Variants in CD8B2 observed in about 807,000 individuals in gnomAD.
CD8B2 encodes CD8B family member 2, also known as T-cell surface glycoprotein CD8 beta-2 chain.
Under a neutral mutation model 23.7 loss-of-function variants are expected in CD8B2, and 11 were observed. The ratio of observed to expected loss-of-function variants is 0.46; its 90% CI spans 0.29 to 0.77. The LOEUF (loss-of-function observed/expected upper bound fraction) is 0.77. Ranked by LOEUF, CD8B2 falls within the 30% of genes least tolerant of loss-of-function variation. The pLI is 0.09. For missense variants in CD8B2, 197 were observed against 270.5 expected (o/e 0.73, Z 1.91); for synonymous variants, 90 against 109.3 (o/e 0.82, Z 1.10).
intron 5 of CD8B2, among the ~76,000 whole-genome samples, chr2:106,519,659 TC>T (rs1307400791): frequency 6.6e-6 from 1 of 152,150 alleles, no homozygotes. Flanking sequence ...CAGAAGTGCT[TC>T]CCCGTCCACC....
intron 3 of CD8B2, among the ~76,000 whole-genome samples, chr2:106,501,180 G>T (rs113779784): frequency 6.6e-6 from 1 of 152,030 alleles, no homozygotes; most frequent in Admixed American, 6.6e-5. Flanking sequence ...GTTGTTTTCT[G>T]CAGAGTTATT....
chr2:106,505,355 G>C (rs1679484124), intron 5 of CD8B2, among the ~76,000 whole-genome samples: 1 of 152,160 alleles, frequency 6.6e-6, no homozygotes, highest in African/African-American at 2.4e-5. Flanking sequence ...TGGAGACAGG[G>C]CTGGGTTTGA....
At chr2:106,515,494 G>A (rs571199556), downstream of CD8B2, among the ~76,000 whole-genome samples, 28 of 152,304 alleles carry the variant, frequency 1.8e-4, no homozygotes, top group African/African-American at 6.3e-4. Flanking sequence ...AGAGGAAGAG[G>A]AAGAGACCAG....
rs1182010558 is a variant in CD8B2 at position 106,491,210 on chromosome 2, G to A, written c.380G>A (p.Gly127Glu). 6.2e-7 allele frequency: 1 copy of A among 1,600,134 alleles called. No individual in the cohort carries two copies. The highest frequency in any genetic ancestry group is 2.2e-5 in the East Asian group (1 of 44,812). Residue 127 changes from glycine (G) to glutamate (E), a missense_variant, in exon 2 of 6, where the codon GGG becomes GAG. Physicochemically the swap from Gly to Glu is moderately conservative, Grantham distance 98 (BLOSUM62 -2). Transcript: ENST00000643224. ...MIVGSPELTF[G>E]KGTQLSVVDF... ...GTCGGGAGCCCCGAGCTGACCTTCG[G>A]GAAGGGAACTCAGCTGAGTGTGGGT...
At chr2:106,535,236 G>C (rs2104575392) in intron 5 of CD8B2, 1 of 152,238 alleles carries the variant, frequency 6.6e-6, no homozygotes, top group Middle Eastern at 3.4e-3. Flanking sequence ...TTTCTCTAGG[G>C]ACAGTCGTTT....
intron 5 of CD8B2, among the ~76,000 whole-genome samples, chr2:106,528,163 T>A (rs970760530): frequency 6.6e-6 from 1 of 152,234 alleles, no homozygotes; most frequent in South Asian, 2.1e-4. Context: ...ATTAGCCTTG[T>A]GTATATTGAC....
At chr2:106,490,213 A>C (rs1164900575) in intron 1 of CD8B2, among the ~76,000 whole-genome samples, 1 of 152,056 alleles carries the variant, frequency 6.6e-6, no homozygotes, top group African/African-American at 2.4e-5. Context: ...AGGGCTGTAC[A>C]TCCAGTGGCA....
intron 1 of CD8B2, 75 bp from the exon 2 acceptor site, chr2:106,490,799 G>A: frequency 6.5e-7 from 1 of 1,532,752 alleles, no homozygotes; most frequent in Non-Finnish European, 8.8e-7. Context: ...TTTGACACTT[G>A]ACTCAGTGTG....
intron 5 of CD8B2, among the ~76,000 whole-genome samples, chr2:106,526,596 T>A (rs1490318689): frequency 6.6e-6 from 1 of 152,210 alleles, no homozygotes; most frequent in East Asian, 1.9e-4. Context: ...CTGTCAGTAT[T>A]TCATTCTTTT....
intron 5 of CD8B2, among the ~76,000 whole-genome samples, chr2:106,523,682 T>C (rs971726895): frequency 6.6e-6 from 1 of 152,134 alleles, no homozygotes; most frequent in East Asian, 1.9e-4. Context: ...CCTGAGACAA[T>C]GAATATTGCT....
chr2:106,533,875 G>C (rs1396661379), intron 5 of CD8B2, among the ~76,000 whole-genome samples: 1 of 152,182 alleles, frequency 6.6e-6, no homozygotes, highest in Non-Finnish European at 1.5e-5. Context: ...TGGGAAGTTT[G>C]CCACAGGTGG....
chr2:106,499,447 G>A (rs1223306270), intron 3 of CD8B2, among the ~76,000 whole-genome samples: 3 of 150,414 alleles, frequency 2.0e-5, no homozygotes, highest in South Asian at 2.1e-4. Flanking sequence ...CAGGAGAATC[G>A]CTTGAACCCA....
At position 106,508,092 on chromosome 2, in the gene CD8B2, G is replaced by C. The variant is rs1406188453; in HGVS notation, c.*1152G>C. On this transcript the variant is annotated 3_prime_UTR_variant, in exon 6 of 6. Transcript: ENST00000643224. ...AGCAGGAGTGGAGAGTGAAGAGCAG[G>C]ACCTCGTGCCTGGGTTTGAAAAAGT... The C allele has an allele frequency of 1.3e-5, 2 of 148,792 alleles. No homozygotes were observed. Among genetic ancestry groups the C allele is most frequent in the Non-Finnish European group, 3.0e-5 (2 of 67,336 alleles). 9.2% of individuals were successfully genotyped at this position (148,792 alleles called of 1,614,324 possible).
chr2:106,494,062 G>A (rs557769668), intron 2 of CD8B2, among the ~76,000 whole-genome samples: 1 of 152,134 alleles, frequency 6.6e-6, no homozygotes, highest in African/African-American at 2.4e-5. Context: ...GAGGTGAGGG[G>A]TTAAAATGTC....
intron 3 of CD8B2, among the ~76,000 whole-genome samples, chr2:106,496,816 T>A (rs953577542): frequency 2.0e-5 from 3 of 151,958 alleles, no homozygotes; most frequent in Non-Finnish European, 4.4e-5. Flanking sequence ...TTTAGGGGAA[T>A]TTAAATGTTC....
intron 5 of CD8B2, among the ~76,000 whole-genome samples, chr2:106,536,030 C>CTTTTTTTTT (rs869103310): frequency 1.6e-5 from 2 of 123,896 alleles, no homozygotes; most frequent in African/African-American, 5.9e-5. Flanking sequence ...GCCACACACA[C>CTTTTTTTTT]TTTTTTTTTT....
At chr2:106,511,645 G>T (rs1399200248), downstream of CD8B2, among the ~76,000 whole-genome samples, 2 of 152,104 alleles carry the variant, frequency 1.3e-5, no homozygotes, top group African/African-American at 4.8e-5. Flanking sequence ...CCCCGCGTGG[G>T]CTGCAAAGCT....
downstream of CD8B2, among the ~76,000 whole-genome samples, chr2:106,511,762 G>A (rs1262237426): frequency 1.3e-5 from 2 of 152,118 alleles, no homozygotes; most frequent in African/African-American, 2.4e-5. Context: ...CTCCTTCGAT[G>A]CGTCACTGAC....
At position 106,510,375 on chromosome 2, in the gene CD8B2, G is replaced by T. The variant is rs1679601734; in HGVS notation, c.*3435G>T. 6.6e-6 allele frequency: 1 copy of T among 151,848 alleles called. No homozygotes were observed. Among genetic ancestry groups the T allele is most frequent in the African/African-American group, 2.4e-5 (1 of 41,302 alleles). 9.4% of individuals were successfully genotyped at this position (151,848 alleles called of 1,614,324 possible). ...GATGTAAATTATACTTCAAGAAAGA[G>T]ACTTTTTAAAATCCAAGTACAGAAC... is the stretch of plus-strand genomic sequence containing the variant. On this transcript the variant is annotated 3_prime_UTR_variant, in exon 6 of 6. Coordinates refer to ENST00000643224, the MANE Select transcript of CD8B2 (RefSeq NM_001349727.2).
Sources: gnomAD v4.1 joint callset for allele counts (sites outside exome capture counted in the v4.1 genomes callset) on GRCh38, gnomAD v4.1.1 for gene constraint, MANE v1.5 for transcripts, NCBI Gene and HGNC (gene_info 2026-07-23, HGNC 2026-07-21) for gene names.